Variants in TBK1 observed in about 807,000 individuals in gnomAD.
TBK1 encodes the protein serine/threonine-protein kinase TBK1.
A neutral mutation model predicts 99.9 loss-of-function variants in TBK1; 37 were observed. The observed-to-expected ratio is 0.37, with a 90% CI of 0.28 to 0.49. The LOEUF is 0.49. TBK1 is among the 20% of genes least tolerant of loss of function. TBK1 has a pLI of 0.98. For synonymous variants in TBK1, 258 were observed against 279.8 expected (o/e 0.92, Z 0.78); for missense variants, 644 against 872.5 (o/e 0.74, Z 3.30).
chr12:64,454,538 C>T (rs1350076283), intron 1 of TBK1, among the ~76,000 whole-genome samples: 2 of 152,070 alleles, frequency 1.3e-5, no homozygotes, highest in African/African-American at 2.4e-5. Flanking sequence ...TGGGCCACTG[C>T]ACCCGGCTGA....
intron 2 of TBK1, among the ~76,000 whole-genome samples, chr12:64,458,415 G>T (rs1445168248): frequency 1.3e-5 from 2 of 151,712 alleles, no homozygotes; most frequent in Admixed American, 6.6e-5. Context: ...AGTTACTAAA[G>T]TATGAGTGTG....
At chr12:64,481,733 T>C in intron 7 of TBK1, 109 bp from the exon 8 acceptor site, 2 of 756,862 alleles carry the variant, frequency 2.6e-6, no homozygotes, top group South Asian at 5.5e-5. Context: ...ATTAATCTAA[T>C]ATAGTAATAA....
In TBK1 at chr12:64,497,234, C is replaced by T; in HGVS notation, c.1934C>T (p.Ser645Leu). Reference protein sequence around the residue: ...NQCFDIEEEVSKYQEYTNELQ... With the variant: ...NQCFDIEEEVLKYQEYTNELQ... ...TGTTTTGATATTGAAGAAGAAGTAT[C>T]AAAATATCAAGAATATACTAATGAG... The change falls in exon 18 of 21, where the codon TCA becomes TTA. Residue 645 changes from serine to leucine, a missense_variant. Physicochemically the swap from Ser to Leu is moderately radical, Grantham distance 145. This residue lies in a region of TBK1 where 465 missense variants were observed against 588.0 expected (regional missense o/e 0.79). Transcript: ENST00000331710. 1 of 1,592,842 alleles carries T rather than the reference C, an allele frequency of 6.3e-7. No homozygotes were observed. Among genetic ancestry groups the T allele is most frequent in the Non-Finnish European group, 8.6e-7 (1 of 1,167,378 alleles).
intron 2 of TBK1, among the ~76,000 whole-genome samples, chr12:64,458,888 A>G (rs1049923962): frequency 6.6e-6 from 1 of 152,194 alleles, no homozygotes; most frequent in Non-Finnish European, 1.5e-5. Context: ...TTCTCTTTTC[A>G]TATGTGTGAA....
rs1004522696 is a variant in TBK1 at position 64,474,124 on chromosome 12, A to T, written c.541-106A>T. 2.7e-6 allele frequency: 3 copies of T among 1,113,260 alleles called. No individual in the cohort carries two copies. The East Asian group carries it at 7.6e-5, about 28-fold the overall frequency. 69.0% of individuals were successfully genotyped at this position (1,113,260 alleles called of 1,614,324 possible). A position where few individuals can be genotyped will look rare whatever the true frequency, so the allele number is the denominator to read the frequency against. Reference sequence around the variant, plus strand: ...CTTTTCAGATTGGGAAAGTGAAGTTATTAGGAAAACAAAATAGAATTTCTA... The same window carrying T: ...CTTTTCAGATTGGGAAAGTGAAGTTTTTAGGAAAACAAAATAGAATTTCTA... On this transcript the variant is annotated intron_variant, in intron 5 of 20. Transcript: ENST00000331710.
chr12:64,477,437 C>T (rs932190651), intron 6 of TBK1, among the ~76,000 whole-genome samples: 1 of 152,038 alleles, frequency 6.6e-6, no homozygotes, highest in Admixed American at 6.6e-5. Flanking sequence ...AATGGGATTG[C>T]GTTCTTGATA....
chr12:64,501,308 T>A (rs1357444222), intron 20 of TBK1, 22 bp from the exon 21 acceptor site: 1 of 1,613,438 alleles, frequency 6.2e-7, no homozygotes, highest in East Asian at 2.2e-5. Context: ...ATTACCTTTT[T>A]TTCTTTGTGT....
intron 13 of TBK1, among the ~76,000 whole-genome samples, chr12:64,491,555 G>A (rs990391916): frequency 3.3e-5 from 5 of 152,056 alleles, no homozygotes; most frequent in African/African-American, 7.2e-5. Flanking sequence ...CCGAGGAGGC[G>A]AACGTTACAG....
rs1264229982 is a variant in TBK1, at chr12:64,479,446, T to TA, written c.702-559dup. Among the ~76,000 whole-genome samples the TA allele has an allele frequency of 2.0e-5, 3 of 152,310 alleles. No individual in the cohort carries two copies. In the East Asian group the frequency reaches 5.8e-4, roughly 29 times the overall value. On this transcript the variant is annotated intron_variant, in intron 6 of 20. Transcript: ENST00000331710. ...AGTTGTGGTGGTTTGTTCTATTTTTTAAAAAAATAATTAATTTGCTCAAAG... is the reference window on the plus strand; with the variant it reads ...AGTTGTGGTGGTTTGTTCTATTTTTTAAAAAAAATAATTAATTTGCTCAAAG...
chr12:64,491,090 G>C (rs1458155467), intron 13 of TBK1, among the ~76,000 whole-genome samples: 1 of 152,078 alleles, frequency 6.6e-6, no homozygotes, highest in East Asian at 1.9e-4. Context: ...ACTTCTGGGA[G>C]TCTCTGAATC....
At chr12:64,486,370 CAA>C (rs1278777209) in intron 11 of TBK1, among the ~76,000 whole-genome samples, 3 of 152,096 alleles carry the variant, frequency 2.0e-5, no homozygotes, top group African/African-American at 7.2e-5. Flanking sequence ...TTTAAGTCCT[CAA>C]AGTCTTCCTT....
At chr12:64,499,687 G>GA (rs1232153165) in intron 20 of TBK1, among the ~76,000 whole-genome samples, 1 of 137,646 alleles carries the variant, frequency 7.3e-6, no homozygotes, top group Non-Finnish European at 1.5e-5. Context: ...AGACTATAAA[G>GA]ATGTGCTTTT....
At chr12:64,476,145 GTCT>G (rs1347607949) in intron 6 of TBK1, among the ~76,000 whole-genome samples, 3 of 135,938 alleles carry the variant, frequency 2.2e-5, no homozygotes, top group Admixed American at 7.6e-5. Flanking sequence ...AGCTTGCGTA[GTCT>G]TCTTTTTTTT....
intron 3 of TBK1, among the ~76,000 whole-genome samples, chr12:64,462,433 C>A (rs1256719149): frequency 2.6e-5 from 4 of 152,074 alleles, no homozygotes; most frequent in Non-Finnish European, 5.9e-5. Context: ...GTGTAATATG[C>A]AAACAGCATT....
chr12:64,456,897 A>G (rs1592351596), intron 2 of TBK1, among the ~76,000 whole-genome samples: 1 of 152,060 alleles, frequency 6.6e-6, no homozygotes, highest in South Asian at 2.1e-4. Context: ...AATTTAAAAT[A>G]GTTAAAATAA....
intron 3 of TBK1, among the ~76,000 whole-genome samples, chr12:64,463,698 C>CAA (rs58483035): frequency 1.4e-3 from 185 of 127,892 alleles, no homozygotes; most frequent in East Asian, 8.8e-3. Context: ...GACTCTGTCT[C>CAA]AAAAAAAAAA....
chr12:64,454,502 C>T (rs1316869892), intron 1 of TBK1, among the ~76,000 whole-genome samples: 3 of 152,084 alleles, frequency 2.0e-5, no homozygotes, highest in Admixed American at 6.6e-5. Context: ...CCGCCTCGGC[C>T]TCCCAGAGTG....
At chr12:64,490,362 T>A (rs973820490) in intron 13 of TBK1, among the ~76,000 whole-genome samples, 1 of 152,156 alleles carries the variant, frequency 6.6e-6, no homozygotes, top group African/African-American at 2.4e-5. Flanking sequence ...ATAAATAATT[T>A]AAATAAATAA....
At chr12:64,498,141 G>C in intron 20 of TBK1, 102 bp downstream of exon 20, 2 of 974,638 alleles carry the variant, frequency 2.1e-6, no homozygotes, top group Non-Finnish European at 3.1e-6. Context: ...AGTGGTAAAG[G>C]GTCATAAAGT....
Sources: allele counts gnomAD v4.1 joint callset (sites outside exome capture counted in the v4.1 genomes callset), GRCh38; gene constraint gnomAD v4.1.1; regional missense constraint gnomAD v4.1.1; transcripts MANE v1.5; gene names NCBI Gene and HGNC (gene_info 2026-07-23, HGNC 2026-07-21).